ZNF599: variants seen among roughly 807,000 people sequenced by gnomAD.
ZNF599 encodes zinc finger protein 599.
A neutral mutation model predicts 11.7 loss-of-function variants in ZNF599; 10 were observed. The ratio of observed to expected loss-of-function variants is 0.86; its 90% CI spans 0.53 to 1.45. The LOEUF is 1.45. Ranked by LOEUF, ZNF599 falls within the 40% of genes most tolerant of loss-of-function variation. The pLI is 0.00. For missense variants in ZNF599, 688 were observed against 713.6 expected, an observed-to-expected ratio of 0.96 and a Z score of 0.41; for synonymous variants, 232 against 253.2, an observed-to-expected ratio of 0.92 and a Z score of 0.79.
the ZNF599 span, among the ~76,000 whole-genome samples, chr19:34,806,975 G>A: frequency 6.6e-6 from 1 of 152,128 alleles, no homozygotes. Flanking sequence ...CTTTGTATAT[G>A]GGCAAATGGG....
chr19:34,788,307 C>T, the ZNF599 span, among the ~76,000 whole-genome samples: 4 of 152,162 alleles, frequency 2.6e-5, no homozygotes, highest in Non-Finnish European at 5.9e-5. Context: ...CAGTCACTGT[C>T]TCCATCTCAG....
chr19:34,773,340 C>T (rs535424888), upstream of ZNF599: 1 of 154,626 alleles, frequency 6.5e-6, no homozygotes, highest in Non-Finnish European at 1.4e-5. Context: ...CGGGTGGTAC[C>T]TGGAGCGCAC....
the ZNF599 span, among the ~76,000 whole-genome samples, chr19:34,798,404 T>C: frequency 6.6e-6 from 1 of 152,228 alleles, no homozygotes; most frequent in Admixed American, 6.5e-5. Flanking sequence ...TTCTTACTGA[T>C]AATTCCAACT....
At chr19:34,769,208 T>C (rs2069165730) in intron 2 of ZNF599, among the ~76,000 whole-genome samples, 1 of 152,212 alleles carries the variant, frequency 6.6e-6, no homozygotes, top group Non-Finnish European at 1.5e-5. Context: ...CCAGCTGTGC[T>C]AGACAGTGGG....
chr19:34,765,470 G>A (rs567958069), intron 3 of ZNF599: 5 of 673,822 alleles, frequency 7.4e-6, no homozygotes, highest in Admixed American at 4.1e-5. Flanking sequence ...CAATCCATAG[G>A]TGGGAGATAA....
upstream of ZNF599, among the ~76,000 whole-genome samples, chr19:34,776,575 A>C (rs188867609): frequency 6.6e-6 from 1 of 152,320 alleles, no homozygotes; most frequent in Non-Finnish European, 1.5e-5. Context: ...TATTTCTGTG[A>C]TTCTAATAAA....
chr19:34,775,720 T>A (rs1266153366), upstream of ZNF599, among the ~76,000 whole-genome samples: 1 of 152,238 alleles, frequency 6.6e-6, no homozygotes, highest in Non-Finnish European at 1.5e-5. Context: ...CCAAAGTTTG[T>A]GTCAAATCCT....
intron 1 of ZNF599, among the ~76,000 whole-genome samples, chr19:34,770,297 TC>T (rs1323483760): frequency 6.6e-6 from 1 of 152,196 alleles, no homozygotes; most frequent in East Asian, 1.9e-4. Context: ...TGAACCCACA[TC>T]CCTCGGGTCC....
At chr19:34,783,892 G>A in the ZNF599 span, among the ~76,000 whole-genome samples, 7 of 152,034 alleles carry the variant, frequency 4.6e-5, no homozygotes, top group East Asian at 3.9e-4. Flanking sequence ...CCCAATTGCC[G>A]CTGCTACCCA....
At position 34,772,856 on chromosome 19, in the gene ZNF599, G is replaced by C. The variant is rs151040179; in HGVS notation, c.-15C>G. On this transcript the variant is annotated 5_prime_UTR_variant, in exon 1 of 4. Coordinates refer to ENST00000329285, the MANE Select transcript of ZNF599 (RefSeq NM_001007248.3). ...GGCGCCGCCATGGGCCCAGGGGGCT[G>C]GGTGAGGCCGTGAGAGTCGGCGAGG... 1.5e-3 allele frequency: 2,164 copies of C among 1,480,990 alleles called. 25 individuals are homozygous for C. The African/African-American group carries it at 0.029, about 20-fold the overall frequency. The allele number at this position is 1,480,990 out of a possible 1,614,324, so 91.7% of individuals were successfully genotyped here. A position where few individuals can be genotyped will look rare whatever the true frequency, so the allele number is the denominator to read the frequency against.
At chr19:34,804,901 G>C in the ZNF599 span, among the ~76,000 whole-genome samples, 2 of 152,116 alleles carry the variant, frequency 1.3e-5, no homozygotes, top group Non-Finnish European at 2.9e-5. Flanking sequence ...CCAGACACCT[G>C]CATGCTAGCT....
upstream of ZNF599, among the ~76,000 whole-genome samples, chr19:34,777,876 T>A (rs2145474553): frequency 6.6e-6 from 1 of 152,008 alleles, no homozygotes; most frequent in South Asian, 2.1e-4. Context: ...GCAAAGTGAA[T>A]ATGTTCTAGA....
At position 34,760,578 on chromosome 19, in the gene ZNF599, A is replaced by T. The variant is rs772899385; in HGVS notation, c.242-19T>A. On this transcript the variant is annotated intron_variant, in intron 3 of 3. Transcript: ENST00000329285. ...TTTTCACCTGAAGGAAATCCAATAT[A>T]AAAAAAACTGAACATTAGTGATGTC... 8.3e-6 allele frequency: 13 copies of T among 1,567,720 alleles called. No homozygotes were observed. The South Asian group carries it at 1.6e-4, about 19-fold the overall frequency.
chr19:34,774,724 C>G (rs2069208650), upstream of ZNF599, among the ~76,000 whole-genome samples: 1 of 152,170 alleles, frequency 6.6e-6, no homozygotes, highest in Non-Finnish European at 1.5e-5. Context: ...CCTATACATT[C>G]TACACTCTCA....
Position 34,758,460 on chromosome 19 carries a change from A to T in ZNF599, c.*574T>A, listed in dbSNP as rs1247164147. On this transcript the variant is annotated 3_prime_UTR_variant, in exon 4 of 4. Transcript: ENST00000329285. ...TTGGAACAATGAATACTTTTACTAA[A>T]TGTTGGCAGAGCTGCCCTCAATGGT... 1 of 152,282 alleles carries T rather than the reference A, an allele frequency of 6.6e-6. No homozygotes were observed. The highest frequency in any genetic ancestry group is 1.9e-4 in the East Asian group (1 of 5,202). The allele number at this position is 152,282 out of a possible 1,614,324, so 9.4% of individuals were successfully genotyped here.
At chr19:34,765,257 C>T (rs998595445) in intron 3 of ZNF599, 1 of 272,066 alleles carries the variant, frequency 3.7e-6, no homozygotes. Context: ...GGCAGGACCT[C>T]GATTTGCTTC....
At chr19:34,806,164 C>T in the ZNF599 span, among the ~76,000 whole-genome samples, 3 of 152,126 alleles carry the variant, frequency 2.0e-5, no homozygotes, top group South Asian at 2.1e-4. Flanking sequence ...AAGAGGTAGA[C>T]CTTGAGAAGC....
chr19:34,792,452 T>A, the ZNF599 span, among the ~76,000 whole-genome samples: 1 of 152,166 alleles, frequency 6.6e-6, no homozygotes, highest in Non-Finnish European at 1.5e-5. Flanking sequence ...TCTATGTTTT[T>A]GGAAAATGTT....
At chr19:34,770,311 G>A (rs1177219813) in intron 1 of ZNF599, among the ~76,000 whole-genome samples, 4 of 152,208 alleles carry the variant, frequency 2.6e-5, no homozygotes, top group Admixed American at 2.6e-4. Flanking sequence ...TCGGGTCCAG[G>A]ATCTATGGGT....
Sources: allele counts gnomAD v4.1 joint callset (sites outside exome capture counted in the v4.1 genomes callset), GRCh38; gene constraint gnomAD v4.1.1; transcripts MANE v1.5; gene names NCBI Gene and HGNC (gene_info 2026-07-23, HGNC 2026-07-21).